Variants in SPMIP3 observed in about 807,000 individuals in gnomAD.
SPMIP3 encodes sperm microtubule inner protein 3.
chr1:244,371,823 C>T, the SPMIP3 span, among the ~76,000 whole-genome samples: 1 of 152,230 alleles, frequency 6.6e-6, no homozygotes, highest in Admixed American at 6.5e-5. Flanking sequence ...ACGTGTCCCA[C>T]CCCTGTGCAT....
chr1:244,378,742 C>T, the SPMIP3 span: 39 of 1,298,732 alleles, frequency 3.0e-5, no homozygotes, highest in South Asian at 5.4e-4. Context: ...TGTTTGGGAC[C>T]AGTCGAGTTG....
At chr1:244,354,740 T>G in the SPMIP3 span, among the ~76,000 whole-genome samples, 38,392 of 152,208 alleles carry the variant, frequency 0.25, 6,029 homozygotes, top group East Asian at 0.55. Context: ...AACCAAGTCT[T>G]TAGAAAGTCC....
At chr1:244,359,224 G>A in the SPMIP3 span, among the ~76,000 whole-genome samples, 33 of 151,046 alleles carry the variant, frequency 2.2e-4, no homozygotes, top group African/African-American at 7.8e-4. Context: ...TCCCAGACAA[G>A]GTCCTCTGAT....
the SPMIP3 span, among the ~76,000 whole-genome samples, chr1:244,367,663 G>T: frequency 2.8e-4 from 42 of 152,282 alleles, no homozygotes; most frequent in East Asian, 7.9e-3. Flanking sequence ...GGCCTCCAGG[G>T]GCCCCAGGGC....
the SPMIP3 span, among the ~76,000 whole-genome samples, chr1:244,354,883 G>A: frequency 6.6e-6 from 1 of 152,172 alleles, no homozygotes; most frequent in African/African-American, 2.4e-5. Flanking sequence ...AGGTAATCTG[G>A]TATGAAAGGA....
chr1:244,364,700 C>T, the SPMIP3 span: 20 of 1,613,910 alleles, frequency 1.2e-5, no homozygotes, highest in South Asian at 2.2e-5. Context: ...TCCCATCCAT[C>T]ATGACTGCCA....
the SPMIP3 span, among the ~76,000 whole-genome samples, chr1:244,388,037 C>A: frequency 6.6e-6 from 1 of 151,972 alleles, no homozygotes; most frequent in Non-Finnish European, 1.5e-5. Flanking sequence ...ATGCAATTCT[C>A]CTGCCTCACC....
the SPMIP3 span, among the ~76,000 whole-genome samples, chr1:244,361,653 A>C: frequency 6.6e-6 from 1 of 152,204 alleles, no homozygotes; most frequent in East Asian, 1.9e-4. Context: ...TTGTATGCTT[A>C]TATAAAAATG....
the SPMIP3 span, among the ~76,000 whole-genome samples, chr1:244,358,220 ACT>A: frequency 6.6e-6 from 1 of 150,738 alleles, no homozygotes; most frequent in Non-Finnish European, 1.5e-5. Context: ...ACAGAGCCAG[ACT>A]CTGTCTCAAA....
chr1:244,380,488 G>A, the SPMIP3 span, among the ~76,000 whole-genome samples: 1 of 152,114 alleles, frequency 6.6e-6, no homozygotes, highest in Non-Finnish European at 1.5e-5. Context: ...CACATATTTA[G>A]TCCTGAAAGC....
chr1:244,353,073 T>A, the SPMIP3 span, among the ~76,000 whole-genome samples: 1 of 152,214 alleles, frequency 6.6e-6, no homozygotes, highest in Non-Finnish European at 1.5e-5. Flanking sequence ...AGTTAGCTGA[T>A]CGATTGATTT....
At chr1:244,382,838 G>A in the SPMIP3 span, among the ~76,000 whole-genome samples, 3 of 151,844 alleles carry the variant, frequency 2.0e-5, no homozygotes, top group Non-Finnish European at 4.4e-5. Context: ...TCCTGACCTC[G>A]TGATCTGCCT....
the SPMIP3 span, among the ~76,000 whole-genome samples, chr1:244,373,334 A>T: frequency 0.083 from 4,546 of 54,526 alleles, 795 homozygotes; most frequent in East Asian, 0.31. Context: ...AAAAAAAATT[A>T]TATATATATA....
At chr1:244,375,587 T>C in the SPMIP3 span, 4 of 615,354 alleles carry the variant, frequency 6.5e-6, no homozygotes, top group East Asian at 1.2e-4. Flanking sequence ...AAAATAATAA[T>C]GGATAGAAGA....
At chr1:244,377,401 G>A in the SPMIP3 span, among the ~76,000 whole-genome samples, 90 of 152,292 alleles carry the variant, frequency 5.9e-4, no homozygotes, top group South Asian at 8.3e-4. Flanking sequence ...GATGACAGGC[G>A]TGAGCCACCA....
the SPMIP3 span, among the ~76,000 whole-genome samples, chr1:244,380,123 CTTTTTTTTTTTT>C: frequency 6.1e-5 from 7 of 115,524 alleles, no homozygotes; most frequent in Admixed American, 1.8e-4. Flanking sequence ...CAGAGTTTTT[CTTTTTTTTTTTT>C]TTTTTTTTTT....
chr1:244,383,927 T>C, the SPMIP3 span, among the ~76,000 whole-genome samples: 2 of 152,146 alleles, frequency 1.3e-5, no homozygotes, highest in African/African-American at 4.8e-5. Flanking sequence ...AAGTAATGAT[T>C]ACAATTTCAT....
At chr1:244,356,107 T>C in the SPMIP3 span, among the ~76,000 whole-genome samples, 3 of 152,248 alleles carry the variant, frequency 2.0e-5, no homozygotes, top group African/African-American at 7.2e-5. Flanking sequence ...AGGACATCTG[T>C]ACACCTTTTA....
chr1:244,363,004 A>C, the SPMIP3 span, among the ~76,000 whole-genome samples: 1 of 144,142 alleles, frequency 6.9e-6, no homozygotes, highest in Non-Finnish European at 1.5e-5. Flanking sequence ...CCTCCACACC[A>C]GGCTTTTTTT....
Sources: allele counts gnomAD v4.1 joint callset (sites outside exome capture counted in the v4.1 genomes callset), GRCh38; gene constraint gnomAD v4.1.1; transcripts MANE v1.5; gene names NCBI Gene and HGNC (gene_info 2026-07-23, HGNC 2026-07-21).